MED23: variants seen among roughly 807,000 people sequenced by gnomAD.
The protein encoded by MED23 is mediator of RNA polymerase II transcription subunit 23.
A neutral mutation model predicts 163.9 loss-of-function variants in MED23; 105 were observed. That is an observed-to-expected ratio of 0.64 (90% CI 0.55 to 0.75). The LOEUF is 0.75. Ranked by LOEUF, MED23 falls within the 30% of genes least tolerant of loss-of-function variation. The probability of loss-of-function intolerance (pLI) is 0.00; values close to 1 mark genes in which losing one functional copy is unlikely to be tolerated. For synonymous variants in MED23, 561 were observed against 565.6 expected (o/e 0.99, Z 0.12); for missense variants, 1,054 against 1,649.0 (o/e 0.64, Z 6.25).
downstream of MED23, chr6:131,584,073 T>C: frequency 1.3e-6 from 1 of 797,870 alleles, no homozygotes; most frequent in Non-Finnish European, 1.9e-6. Flanking sequence ...ATTCAAGATG[T>C]GGAAATTCTA....
downstream of MED23, chr6:131,582,546 ATG>A: frequency 1.8e-6 from 2 of 1,096,582 alleles, no homozygotes; most frequent in South Asian, 1.2e-5. Context: ...GCAATCCAAT[ATG>A]TGTCTTTACC....
chr6:131,621,264 T>C (rs1562404672), intron 6 of MED23, among the ~76,000 whole-genome samples: 1 of 152,142 alleles, frequency 6.6e-6, no homozygotes, highest in Non-Finnish European at 1.5e-5. Flanking sequence ...CTATGGTTAA[T>C]AACGATATAG....
At chr6:131,592,074 C>T (rs1251224647) in intron 25 of MED23, 2 of 377,352 alleles carry the variant, frequency 5.3e-6, no homozygotes, top group Non-Finnish European at 9.7e-6. Flanking sequence ...TGTAGATATA[C>T]AACACGTTAA....
At position 131,607,911 on chromosome 6, in the gene MED23, T is replaced by C. The variant is rs1341081220; in HGVS notation, c.1221+17A>G. On this transcript the variant is annotated intron_variant, in intron 12 of 28. Transcript: ENST00000368068. ...TACTCATCATGTTGTTATGAATAGT[T>C]ACTCAGTAAAGCTTACTTCTTTTTC... is the stretch of plus-strand genomic sequence containing the variant. 2 of 1,613,062 alleles carry C rather than the reference T, an allele frequency of 1.2e-6. No individual in the cohort carries two copies. Among genetic ancestry groups the C allele is most frequent in the Non-Finnish European group, 1.7e-6 (2 of 1,179,404 alleles).
Position 131,586,761 on chromosome 6 carries a change from C to A in MED23, c.*918G>T, listed in dbSNP as rs1337323139. ...GAAACAATCACACGGTTTATTCATT[C>A]AGCAGACTTTACTCATTAGTTTTCA... On this transcript the variant is annotated 3_prime_UTR_variant, in exon 29 of 29. Coordinates refer to ENST00000368068, the MANE Select transcript of MED23 (RefSeq NM_004830.4). 2 of 1,469,902 alleles carry A rather than the reference C, an allele frequency of 1.4e-6. No individual in the cohort carries two copies. The highest frequency in any genetic ancestry group is 4.1e-5 in the Admixed American group (2 of 48,232). 91.1% of individuals were successfully genotyped at this position (1,469,902 alleles called of 1,614,324 possible). A position where few individuals can be genotyped will look rare whatever the true frequency, so the allele number is the denominator to read the frequency against.
intron 2 of MED23, 53 bp downstream of exon 2, chr6:131,627,588 T>C: frequency 1.2e-6 from 2 of 1,606,196 alleles, no homozygotes; most frequent in Non-Finnish European, 1.7e-6. Flanking sequence ...CTAAGTAAAA[T>C]CTGACAGACA....
intron 9 of MED23, 81 bp downstream of exon 9, chr6:131,618,323 GCAA>G (rs1562401053): frequency 1.1e-6 from 1 of 893,956 alleles, no homozygotes; most frequent in Non-Finnish European, 1.8e-6. Context: ...AGATTATGAA[GCAA>G]CAATTTAGCA....
chr6:131,619,509 GT>G (rs1380573060), intron 8 of MED23, among the ~76,000 whole-genome samples: 1 of 152,206 alleles, frequency 6.6e-6, no homozygotes, highest in Non-Finnish European at 1.5e-5. Flanking sequence ...GGACAGGTCT[GT>G]TCAGACTTCC....
chr6:131,624,965 A>T lies in MED23; in HGVS notation c.184T>A (p.Trp62Arg). 6.2e-7 allele frequency: 1 copy of T among 1,613,720 alleles called. No homozygotes were observed. Among genetic ancestry groups the T allele is most frequent in the Non-Finnish European group, 8.5e-7 (1 of 1,179,900 alleles). The change falls in exon 4 of 29, where the codon TGG becomes AGG. Residue 62 changes from tryptophan (W) to arginine (R), a missense_variant. By Grantham distance (101) the Trp-to-Arg change is moderately radical. Around this residue, in one of 11 missense-constraint regions of MED23, gnomAD observed 227 missense variants for 235.5 expected, o/e 0.96. Coordinates refer to ENST00000368068, the MANE Select transcript of MED23 (RefSeq NM_004830.4). ...SQESHEQCIQ[W>R]IVKFIHGQHS... ...TGACCATGAATAAACTTAACAATCCACTGGATACACTGTTCATGAGACTCC... is the reference window on the plus strand; with the variant it reads ...TGACCATGAATAAACTTAACAATCCTCTGGATACACTGTTCATGAGACTCC...
downstream of MED23, chr6:131,583,264 GCTA>G: frequency 6.2e-7 from 1 of 1,603,684 alleles, no homozygotes; most frequent in Non-Finnish European, 8.5e-7. Context: ...ATAATGGGTT[GCTA>G]CTTTTTATAA....
rs775665072 is a variant in MED23, at chr6:131,598,241, A to AC, written c.2607+45dup. The AC allele has an allele frequency of 9.7e-6, 15 of 1,549,654 alleles. 1 individual carries two copies. In the Admixed American group the frequency reaches 2.5e-4, roughly 26 times the overall value. ...GATTGGCATAACATATATTAGTCAT[A>AC]CATCTTGATCTAAGAGAATAAGCTT... On this transcript the variant is annotated intron_variant, in intron 20 of 28. Coordinates refer to ENST00000368068, the MANE Select transcript of MED23 (RefSeq NM_004830.4). This position sits in a 1 kb window ranked among gnomAD's most constrained non-coding sequence, Gnocchi z 4.7.
chr6:131,606,774 G>T, intron 12 of MED23, 150 bp from the exon 13 acceptor site: 1 of 729,764 alleles, frequency 1.4e-6, no homozygotes, highest in Non-Finnish European at 2.2e-6. Context: ...CAAATCAGAA[G>T]GTCTAACAGC....
At chr6:131,626,134 A>G (rs546244376) in intron 3 of MED23, among the ~76,000 whole-genome samples, 2 of 151,560 alleles carry the variant, frequency 1.3e-5, no homozygotes, top group East Asian at 3.9e-4. Flanking sequence ...AAAAAAAAAA[A>G]AAAAAAGAAA....
chr6:131,613,546 T>C (rs1311545861), intron 10 of MED23, among the ~76,000 whole-genome samples: 1 of 152,160 alleles, frequency 6.6e-6, no homozygotes, highest in African/African-American at 2.4e-5. Context: ...TTTAATCATA[T>C]GCTTCTTATA....
chr6:131,583,646 C>CTT, downstream of MED23: 1 of 1,527,422 alleles, frequency 6.5e-7, no homozygotes, highest in South Asian at 1.2e-5. Context: ...CGGTTACTAC[C>CTT]TTTTTCTGTT....
chr6:131,575,153 G>C (rs988871133), intron 30 of MED23, among the ~76,000 whole-genome samples: 1 of 152,176 alleles, frequency 6.6e-6, no homozygotes, highest in Non-Finnish European at 1.5e-5. Flanking sequence ...TTTAATGGCT[G>C]TGTTATAGCA....
Position 131,619,855 on chromosome 6 carries a change from C to T in MED23, c.639G>A (p.Arg213=). 1.2e-6 allele frequency: 2 copies of T among 1,611,624 alleles called. No homozygotes were observed. The highest frequency in any genetic ancestry group is 1.7e-4 in the Middle Eastern group (1 of 6,054). ...NLVSDFVDTF[R]PTARINSICG... ...AAATGGAGTTTATCCTTGCTGTGGGCCTGAAGGTATCCACAAAGTCTGATA... is the reference window on the plus strand; with the variant it reads ...AAATGGAGTTTATCCTTGCTGTGGGTCTGAAGGTATCCACAAAGTCTGATA... Residue 213 remains arginine, a synonymous_variant, in exon 8 of 29, where the codon AGG becomes AGA. Transcript: ENST00000368068.
At chr6:131,581,674 T>G (rs1773934381) in intron 30 of MED23, among the ~76,000 whole-genome samples, 2 of 152,202 alleles carry the variant, frequency 1.3e-5, no homozygotes, top group South Asian at 4.1e-4. Context: ...GTTAACCAAC[T>G]TGCCCAAGAT....
chr6:131,620,044 G>T, intron 7 of MED23, 148 bp from the exon 8 acceptor site: 1 of 641,180 alleles, frequency 1.6e-6, no homozygotes, highest in Non-Finnish European at 2.8e-6. Context: ...GCTCCCTTTT[G>T]CTTCCTTCTA....
Sources: gnomAD v4.1 joint callset for allele counts (sites outside exome capture counted in the v4.1 genomes callset) on GRCh38, gnomAD v4.1.1 for gene constraint, gnomAD v4.1.1 regional missense constraint, Gnocchi (gnomAD v3.1) non-coding constraint, MANE v1.5 for transcripts, NCBI Gene and HGNC (gene_info 2026-07-23, HGNC 2026-07-21) for gene names.